The following CDHR2 variants were observed in gnomAD, a reference collection of about 807,000 sequenced individuals.
The protein encoded by CDHR2 is cadherin related family member 2.
Under a neutral mutation model 138.6 loss-of-function variants are expected in CDHR2, and 104 were observed. The observed-to-expected ratio is 0.75, with a 90% CI of 0.64 to 0.88. The LOEUF (loss-of-function observed/expected upper bound fraction) is 0.88. CDHR2 is among the 40% of genes least tolerant of loss of function. CDHR2 has a pLI of 0.00. For missense variants in CDHR2, 1,624 were observed against 1,727.6 expected, an observed-to-expected ratio of 0.94 and a Z score of 1.06; for synonymous variants, 755 against 742.8, an observed-to-expected ratio of 1.02 and a Z score of -0.27.
In CDHR2 at chr5:176,586,861, C is replaced by T. The variant is rs775121908; in HGVS notation, c.2856+19C>T. On this transcript the variant is annotated intron_variant, in intron 21 of 31. Transcript: ENST00000261944. ...TGTCCGGGTAAGTTCTTGGCTCCAGCCTTTGTTGGTCATATGAGCCCCAGG... is the reference window on the plus strand; with the variant it reads ...TGTCCGGGTAAGTTCTTGGCTCCAGTCTTTGTTGGTCATATGAGCCCCAGG... 2.5e-6 allele frequency: 4 copies of T among 1,603,376 alleles called. No homozygotes were observed. Among genetic ancestry groups the T allele is most frequent in the East Asian group, 2.2e-5 (1 of 44,718 alleles).
intron 6 of CDHR2, among the ~76,000 whole-genome samples, chr5:176,573,708 A>G (rs1006460434): frequency 2.6e-5 from 4 of 152,056 alleles, no homozygotes; most frequent in Non-Finnish European, 5.9e-5. Flanking sequence ...GTACTCCCCA[A>G]AGAAGCCTCC....
At position 176,575,976 on chromosome 5, in the gene CDHR2, T is replaced by TA. The variant is rs1561874310; in HGVS notation, c.986dup (p.Tyr329Ter). 1 of 1,613,742 alleles carries TA rather than the reference T, an allele frequency of 6.2e-7. No homozygotes were observed. Among genetic ancestry groups the TA allele is most frequent in the Admixed American group, 1.7e-5 (1 of 59,954 alleles). Reference sequence around the variant, plus strand: ...GGCCACCGAGACACACCTCAACATCTACGGGCAGGAGGCCAAGGTGAGCAT... The same window carrying TA: ...GGCCACCGAGACACACCTCAACATCTAACGGGCAGGAGGCCAAGGTGAGCAT... ...VTATETHLNI[Y>*]GQEAKVSIWV... is the part of the protein sequence containing the mutation. Residue 329 changes from tyrosine to a stop codon, truncating the protein, a stop_gained and frameshift_variant, in exon 12 of 32, where the codon TAC (tyrosine) becomes TAAC (stop). Coordinates refer to ENST00000261944, the MANE Select transcript of CDHR2 (RefSeq NM_017675.6). LOFTEE classifies it high-confidence loss of function.
At chr5:176,590,170 T>C (rs1471902323) in intron 25 of CDHR2, 24 bp downstream of exon 25, 1 of 1,606,140 alleles carries the variant, frequency 6.2e-7, no homozygotes, top group Admixed American at 1.7e-5. Flanking sequence ...GGCCTGGGGG[T>C]GGGGTTGAGG....
chr5:176,560,074 A>G (rs1018691814), intron 1 of CDHR2, among the ~76,000 whole-genome samples: 2 of 152,202 alleles, frequency 1.3e-5, no homozygotes, highest in African/African-American at 4.8e-5. Context: ...AAGGCCCCAA[A>G]GATGTCAAAG....
chr5:176,590,724 C>T, intron 28 of CDHR2, 37 bp downstream of exon 28: 3 of 1,611,592 alleles, frequency 1.9e-6, no homozygotes, highest in East Asian at 2.2e-5. Flanking sequence ...CCAACCTTCA[C>T]CCTCTCCCAC....
chr5:176,566,545 C>T (rs1758086608), intron 3 of CDHR2, among the ~76,000 whole-genome samples: 1 of 152,074 alleles, frequency 6.6e-6, no homozygotes, highest in African/African-American at 2.4e-5. Flanking sequence ...GCCCAGGAGC[C>T]CGGACGGAGC....
chr5:176,581,300 G>A lies in CDHR2; in HGVS notation c.1819-43G>A, dbSNP rs776601743. On this transcript the variant is annotated intron_variant, in intron 16 of 31. Coordinates refer to ENST00000261944, the MANE Select transcript of CDHR2 (RefSeq NM_017675.6). The stretch of plus-strand genomic sequence containing the variant: ...GCTGCATCGGAGGGGCTGGGGGCTG[G>A]GAATGCCGATGGCCGATGACCAACC... 14 of 1,604,768 alleles carry A rather than the reference G, an allele frequency of 8.7e-6. No individual in the cohort carries two copies. The South Asian group carries it at 1.3e-4, about 15-fold the overall frequency.
upstream of CDHR2, among the ~76,000 whole-genome samples, chr5:176,545,947 GA>G (rs1457108167): frequency 2.0e-5 from 3 of 152,326 alleles, no homozygotes; most frequent in East Asian, 3.9e-4. Flanking sequence ...GGCAGGCCAG[GA>G]CACACCTCTG....
At position 176,565,658 on chromosome 5, in the gene CDHR2, C is replaced by T. The variant is rs1201436557; in HGVS notation, c.53-14C>T. On this transcript the variant is annotated splice_polypyrimidine_tract_variant and intron_variant, in intron 2 of 31. Transcript: ENST00000261944. ...AGGGGTGTCCCGATGTTCCAGCACACTGTGTCCCTACAGTGGCAGCCAACG... is the reference window on the plus strand; with the variant it reads ...AGGGGTGTCCCGATGTTCCAGCACATTGTGTCCCTACAGTGGCAGCCAACG... 35 of 1,612,082 alleles carry T rather than the reference C, an allele frequency of 2.2e-5. No individual in the cohort carries two copies. Among genetic ancestry groups the T allele is most frequent in the Admixed American group, 3.3e-5 (2 of 59,910 alleles).
Position 176,589,511 on chromosome 5 carries a change from G to C in CDHR2, c.3118-17G>C, listed in dbSNP as rs765085733. 5.0e-6 allele frequency: 8 copies of C among 1,613,780 alleles called. No homozygotes were observed. In the South Asian group the frequency reaches 6.6e-5, roughly 13 times the overall value. On this transcript the variant is annotated splice_polypyrimidine_tract_variant and intron_variant, in intron 23 of 31. Transcript: ENST00000261944. Reference sequence around the variant, plus strand: ...CAGGGTCCCTGGTGCCTCATCTCCTGCACACCCCCTTCCCAGCTCTTCACC... The same window carrying C: ...CAGGGTCCCTGGTGCCTCATCTCCTCCACACCCCCTTCCCAGCTCTTCACC...
chr5:176,585,197 TG>T (rs1758630531), intron 19 of CDHR2, among the ~76,000 whole-genome samples, 182 bp downstream of exon 19: 1 of 152,222 alleles, frequency 6.6e-6, no homozygotes, highest in African/African-American at 2.4e-5. Context: ...CCAGTGGAGT[TG>T]GGCAGTGGGG....
chr5:176,568,780 C>G lies in CDHR2; in HGVS notation c.227C>G (p.Thr76Ser). The change falls in exon 4 of 32, where the codon ACT becomes AGT. Residue 76 changes from threonine to serine, a missense_variant. Thr to Ser is a moderately conservative substitution (Grantham distance 58). This residue lies in a region of CDHR2 where 1,061 missense variants were observed against 1,136.6 expected (regional missense o/e 0.93). Coordinates refer to ENST00000261944, the MANE Select transcript of CDHR2 (RefSeq NM_017675.6). ...NAYFFAVTPK[T>S]GEVKLASALD... Reference sequence around the variant, plus strand: ...TACTTCTTCGCTGTCACTCCGAAAACTGGGGAAGTGAAGCTGGCCAGCGCT... The same window carrying G: ...TACTTCTTCGCTGTCACTCCGAAAAGTGGGGAAGTGAAGCTGGCCAGCGCT... 6.2e-7 allele frequency: 1 copy of G among 1,614,220 alleles called. No homozygotes were observed. Among genetic ancestry groups the G allele is most frequent in the Non-Finnish European group, 8.5e-7 (1 of 1,180,034 alleles).
chr5:176,578,539 A>G lies in CDHR2; in HGVS notation c.1749A>G (p.Ala583=). The G allele has an allele frequency of 6.2e-7, 1 of 1,614,062 alleles. No homozygotes were observed. Among genetic ancestry groups the G allele is most frequent in the Non-Finnish European group, 8.5e-7 (1 of 1,180,026 alleles). The change falls in exon 16 of 32, where the codon GCA becomes GCG. Residue 583 remains alanine, a synonymous_variant. Transcript: ENST00000261944. The part of the protein sequence containing the change: ...QIHLLDINDN[A]PVVSGSYNIF... ...ACCTGCTGGACATCAACGACAATGCACCCGTGGTTAGCGGCTCCTACAACA... is the reference window on the plus strand; with the variant it reads ...ACCTGCTGGACATCAACGACAATGCGCCCGTGGTTAGCGGCTCCTACAACA...
chr5:176,572,965 G>A (rs909314249), intron 6 of CDHR2, among the ~76,000 whole-genome samples: 2 of 152,228 alleles, frequency 1.3e-5, no homozygotes, highest in Non-Finnish European at 2.9e-5. Context: ...CAATGAGCAC[G>A]AGACAAGGCA....
chr5:176,550,159 C>T (rs992927072), intron 1 of CDHR2, among the ~76,000 whole-genome samples: 5 of 152,198 alleles, frequency 3.3e-5, no homozygotes, highest in Admixed American at 1.3e-4. Context: ...CACCGAGGTC[C>T]GGCAGATGGA....
At chr5:176,570,616 A>G (rs1226763138) in intron 5 of CDHR2, among the ~76,000 whole-genome samples, 2 of 152,188 alleles carry the variant, frequency 1.3e-5, no homozygotes, top group African/African-American at 2.4e-5. Flanking sequence ...CAAAGTACAC[A>G]GGCATGAGCC....
intron 6 of CDHR2, among the ~76,000 whole-genome samples, chr5:176,573,624 G>A (rs1296958118): frequency 1.3e-5 from 2 of 150,918 alleles, no homozygotes; most frequent in African/African-American, 4.9e-5. Context: ...TCCAGCCTGG[G>A]CGAAAGAGTG....
At chr5:176,577,953 C>T in intron 14 of CDHR2, 81 bp from the exon 15 acceptor site, 2 of 1,520,182 alleles carry the variant, frequency 1.3e-6, no homozygotes, top group Admixed American at 1.8e-5. Context: ...GGAAGCACGA[C>T]AGCTCTGTCC....
intron 5 of CDHR2, among the ~76,000 whole-genome samples, chr5:176,570,391 G>A (rs1758196278): frequency 6.6e-6 from 1 of 152,166 alleles, no homozygotes; most frequent in Admixed American, 6.5e-5. Flanking sequence ...TCTTGCCCAG[G>A]CTGGAGTGCA....
Sources: gnomAD v4.1 joint callset for allele counts (sites outside exome capture counted in the v4.1 genomes callset) on GRCh38, gnomAD v4.1.1 for gene constraint, gnomAD v4.1.1 regional missense constraint, MANE v1.5 for transcripts, NCBI Gene and HGNC (gene_info 2026-07-23, HGNC 2026-07-21) for gene names.